Variants in CHCHD6 observed in about 807,000 individuals in gnomAD.
The protein encoded by CHCHD6 is MICOS complex subunit MIC25.
CHCHD6 carries 28 observed loss-of-function variants against 32.3 expected under a neutral mutation model. The ratio of observed to expected loss-of-function variants is 0.87; its 90% CI spans 0.64 to 1.19. CHCHD6 has a LOEUF of 1.19. Ranked by LOEUF, CHCHD6 falls within the 50% of genes most tolerant of loss-of-function variation. CHCHD6 has a pLI of 0.00. For missense variants in CHCHD6, 333 were observed against 307.0 expected (o/e 1.08, Z -0.63); for synonymous variants, 122 against 117.5 (o/e 1.04, Z -0.25).
At chr3:126,848,218 C>T (rs1941358292) in intron 4 of CHCHD6, among the ~76,000 whole-genome samples, 1 of 152,202 alleles carries the variant, frequency 6.6e-6, no homozygotes. Context: ...TCAAGCAATC[C>T]TCCCGACTTT....
chr3:126,814,394 G>A (rs916216525), intron 4 of CHCHD6, among the ~76,000 whole-genome samples: 2 of 152,142 alleles, frequency 1.3e-5, no homozygotes, highest in Admixed American at 6.5e-5. Flanking sequence ...GAGTAATGTC[G>A]ATGTCTTTTT....
intron 4 of CHCHD6, among the ~76,000 whole-genome samples, chr3:126,836,327 A>G (rs1166096932): frequency 6.6e-6 from 1 of 152,152 alleles, no homozygotes; most frequent in Non-Finnish European, 1.5e-5. Context: ...GCAGGGAATG[A>G]ACTTCCCTAA....
intron 4 of CHCHD6, among the ~76,000 whole-genome samples, chr3:126,789,397 G>A (rs1055298107): frequency 1.3e-5 from 2 of 152,156 alleles, no homozygotes; most frequent in South Asian, 2.1e-4. Context: ...CTGTCTCGTT[G>A]ATCTGTCTAA....
intron 4 of CHCHD6, among the ~76,000 whole-genome samples, chr3:126,831,163 A>G (rs1940624469): frequency 6.6e-6 from 1 of 151,934 alleles, no homozygotes; most frequent in Non-Finnish European, 1.5e-5. Context: ...AGCTGGGACT[A>G]CAGGTGCCCG....
intron 3 of CHCHD6, 48 bp downstream of exon 3, chr3:126,730,678 G>A (rs760750331): frequency 4.6e-6 from 7 of 1,523,224 alleles, no homozygotes; most frequent in African/African-American, 1.4e-5. Context: ...CCGCCTAAAA[G>A]CCTCTTTCCT....
intron 5 of CHCHD6, among the ~76,000 whole-genome samples, chr3:126,863,429 C>G (rs1942046308): frequency 1.4e-5 from 2 of 142,124 alleles, no homozygotes; most frequent in Admixed American, 1.4e-4. Context: ...ACCTCCTCCT[C>G]CTCCACCATC....
At chr3:126,895,046 T>C (rs1218966068) in intron 5 of CHCHD6, among the ~76,000 whole-genome samples, 1 of 152,258 alleles carries the variant, frequency 6.6e-6, no homozygotes, top group Non-Finnish European at 1.5e-5. Context: ...GCATATACTT[T>C]ACCCAAATGG....
chr3:126,934,315 C>G (rs1233890915), intron 6 of CHCHD6, among the ~76,000 whole-genome samples: 1 of 152,056 alleles, frequency 6.6e-6, no homozygotes, highest in Non-Finnish European at 1.5e-5. Flanking sequence ...CAGGAATGCC[C>G]GGGAGTTTTA....
chr3:126,821,258 T>C (rs73201802), intron 4 of CHCHD6, among the ~76,000 whole-genome samples: 14,137 of 152,312 alleles, frequency 0.093, 845 homozygotes, highest in Middle Eastern at 0.21. Context: ...TTTAAGAACA[T>C]TTAAAATGAG....
chr3:126,773,438 A>G (rs961814045), intron 4 of CHCHD6, among the ~76,000 whole-genome samples: 2 of 152,152 alleles, frequency 1.3e-5, no homozygotes, highest in South Asian at 2.1e-4. Flanking sequence ...TGTGGCTACA[A>G]CTGAGCCATG....
intron 4 of CHCHD6, among the ~76,000 whole-genome samples, chr3:126,741,709 T>G (rs1936294899): frequency 6.6e-6 from 1 of 152,210 alleles, no homozygotes; most frequent in Non-Finnish European, 1.5e-5. Context: ...TATGTATTTC[T>G]AACAGCCTCC....
intron 4 of CHCHD6, among the ~76,000 whole-genome samples, chr3:126,801,726 C>T (rs1029758315): frequency 4.6e-5 from 7 of 152,210 alleles, no homozygotes; most frequent in Non-Finnish European, 1.0e-4. Context: ...TCCCAGCACG[C>T]AGCTGGAGAT....
intron 4 of CHCHD6, among the ~76,000 whole-genome samples, chr3:126,744,689 AT>A (rs1032320319): frequency 3.3e-5 from 5 of 149,664 alleles, no homozygotes; most frequent in African/African-American, 4.9e-5. Context: ...CACTTCCTGT[AT>A]TTTTTTTTTC....
At chr3:126,874,088 C>T (rs977952385) in intron 5 of CHCHD6, among the ~76,000 whole-genome samples, 7 of 152,222 alleles carry the variant, frequency 4.6e-5, no homozygotes, top group African/African-American at 1.7e-4. Context: ...GGGTCCCCTC[C>T]AGACAGTCTG....
intron 6 of CHCHD6, among the ~76,000 whole-genome samples, chr3:126,933,991 T>A (rs1020309921): frequency 7.9e-5 from 12 of 152,334 alleles, no homozygotes; most frequent in African/African-American, 2.9e-4. Flanking sequence ...GCTTGCCCGT[T>A]CTGTGTTGGG....
At chr3:126,760,409 C>T (rs2107672067) in intron 4 of CHCHD6, among the ~76,000 whole-genome samples, 1 of 152,298 alleles carries the variant, frequency 6.6e-6, no homozygotes, top group East Asian at 1.9e-4. Flanking sequence ...ATTATAGTCA[C>T]AATGTTGTGC....
At chr3:126,896,167 A>C (rs753133069) in intron 5 of CHCHD6, among the ~76,000 whole-genome samples, 4 of 152,224 alleles carry the variant, frequency 2.6e-5, no homozygotes, top group Non-Finnish European at 4.4e-5. Context: ...TGATATTATG[A>C]AATAGCATGG....
chr3:126,870,194 A>C (rs2077445880), intron 5 of CHCHD6, among the ~76,000 whole-genome samples: 1 of 152,186 alleles, frequency 6.6e-6, no homozygotes, highest in African/African-American at 2.4e-5. Flanking sequence ...GCCTACTAGA[A>C]TGTATACAGA....
chr3:126,773,602 CTTTTT>C lies in CHCHD6; in HGVS notation c.411+40400_411+40404del, dbSNP rs769256372. Among the ~76,000 whole-genome samples, 12 of 89,948 alleles carry C rather than the reference CTTTTT, an allele frequency of 1.3e-4. No homozygotes were observed. In the Admixed American group the frequency reaches 1.4e-3, roughly 11 times the overall value. The allele number at this position is 89,948 out of a possible 152,430, so 59.0% of individuals were successfully genotyped here. The stretch of plus-strand genomic sequence containing the variant: ...GTTGGTTCTGACAGTTTCTGCTTTT[CTTTTT>C]TTTTTTTTTTTTTTTTTTTGAGACA... On this transcript the variant is annotated intron_variant, in intron 4 of 7. Coordinates refer to ENST00000290913, the MANE Select transcript of CHCHD6 (RefSeq NM_032343.3).
Sources: allele counts gnomAD v4.1 joint callset (sites outside exome capture counted in the v4.1 genomes callset), GRCh38; gene constraint gnomAD v4.1.1; transcripts MANE v1.5; gene names NCBI Gene and HGNC (gene_info 2026-07-23, HGNC 2026-07-21).